The following PPFIA2 variants were observed in gnomAD, a reference collection of about 807,000 sequenced individuals.
PPFIA2 encodes the protein liprin-alpha-2.
PPFIA2 carries 46 observed loss-of-function variants against 175.5 expected under a neutral mutation model. The ratio of observed to expected loss-of-function variants is 0.26; its 90% CI spans 0.21 to 0.34. PPFIA2 has a LOEUF of 0.34. Among genes scored for constraint, PPFIA2 ranks in the 10% least tolerant of loss-of-function variants. The probability of loss-of-function intolerance (pLI) is 1.00; values close to 1 mark genes in which losing one functional copy is unlikely to be tolerated. For missense variants in PPFIA2, 1,179 were observed against 1,506.1 expected (o/e 0.78, Z 3.60); for synonymous variants, 568 against 511.4 (o/e 1.11, Z -1.49).
chr12:81,291,194 T>C (rs1204759883), intron 24 of PPFIA2, among the ~76,000 whole-genome samples: 1 of 151,996 alleles, frequency 6.6e-6, no homozygotes, highest in African/African-American at 2.4e-5. Context: ...TTTGTTGTCA[T>C]CTTTGTATTT....
intron 22 of PPFIA2, among the ~76,000 whole-genome samples, chr12:81,321,703 A>G (rs1034375777): frequency 6.6e-6 from 1 of 152,170 alleles, no homozygotes; most frequent in Non-Finnish European, 1.5e-5. Context: ...CTAATTGACT[A>G]TTTTGTTAGT....
intron 4 of PPFIA2, among the ~76,000 whole-genome samples, chr12:81,580,637 AC>A (rs1224114499): frequency 6.6e-6 from 1 of 151,552 alleles, no homozygotes; most frequent in Admixed American, 6.6e-5. Flanking sequence ...CTCACTTATA[AC>A]TTCTCTCTAC....
chr12:81,399,900 G>T (rs2041840049), intron 8 of PPFIA2, among the ~76,000 whole-genome samples: 1 of 151,950 alleles, frequency 6.6e-6, no homozygotes, highest in Non-Finnish European at 1.5e-5. Flanking sequence ...TTGAGAGAGG[G>T]AATCAATAAT....
chr12:81,346,514 A>C (rs1009636768), intron 18 of PPFIA2, among the ~76,000 whole-genome samples: 2 of 149,028 alleles, frequency 1.3e-5, no homozygotes, highest in African/African-American at 4.9e-5. Flanking sequence ...CATATATTAC[A>C]TATTAATATA....
At chr12:81,411,969 G>A (rs1352874166) in intron 7 of PPFIA2, among the ~76,000 whole-genome samples, 1 of 151,896 alleles carries the variant, frequency 6.6e-6, no homozygotes, top group African/African-American at 2.4e-5. Context: ...ATATCTGGGA[G>A]AATAACTTTC....
chr12:81,336,926 G>A (rs1380650206), intron 21 of PPFIA2, among the ~76,000 whole-genome samples: 1 of 152,096 alleles, frequency 6.6e-6, no homozygotes, highest in Non-Finnish European at 1.5e-5. Context: ...TTCCTCAGAT[G>A]CATGAATAAG....
intron 28 of PPFIA2, among the ~76,000 whole-genome samples, chr12:81,271,427 C>T (rs149851052): frequency 0.025 from 3,853 of 152,172 alleles, 80 homozygotes; most frequent in South Asian, 0.071. Flanking sequence ...TGCGCCACCA[C>T]ACCTGGCTAA....
At chr12:81,488,788 G>T (rs889728284) in intron 4 of PPFIA2, among the ~76,000 whole-genome samples, 1 of 151,616 alleles carries the variant, frequency 6.6e-6, no homozygotes, top group African/African-American at 2.4e-5. Flanking sequence ...ATAATTTTTT[G>T]TACAGTTGTC....
rs1243691624 is a variant in PPFIA2, at chr12:81,259,445, A to G, written c.*249T>C. 2 of 662,774 alleles carry G rather than the reference A, an allele frequency of 3.0e-6. No individual in the cohort carries two copies. The highest frequency in any genetic ancestry group is 2.5e-5 in the Admixed American group (1 of 40,800). The allele number at this position is 662,774 out of a possible 1,614,324, so 41.1% of individuals were successfully genotyped here. Reference sequence around the variant, plus strand: ...CTGTTGTACAGAGTTTATGATGTAGATGATGTTTATTATTCAAATGACTTA... The same window carrying G: ...CTGTTGTACAGAGTTTATGATGTAGGTGATGTTTATTATTCAAATGACTTA... On this transcript the variant is annotated 3_prime_UTR_variant, in exon 33 of 33. Coordinates refer to ENST00000549396, the MANE Select transcript of PPFIA2 (RefSeq NM_003625.5).
chr12:81,536,266 G>A (rs921032785), intron 4 of PPFIA2, among the ~76,000 whole-genome samples: 4 of 151,606 alleles, frequency 2.6e-5, no homozygotes, highest in African/African-American at 9.7e-5. Context: ...TACCTACACA[G>A]TAATCATCTC....
chr12:81,339,461 T>C, intron 20 of PPFIA2, 127 bp from the exon 21 acceptor site: 1 of 787,102 alleles, frequency 1.3e-6, no homozygotes, highest in East Asian at 3.4e-5. Flanking sequence ...TATTTTCCCA[T>C]GTTTCCTTTT....
rs1406704656 is a variant in PPFIA2 at position 81,277,102 on chromosome 12, A to T, written c.3310+215T>A. Among the ~76,000 whole-genome samples the T allele has an allele frequency of 2.6e-5, 4 of 152,250 alleles. No homozygotes were observed. In the East Asian group the frequency reaches 5.8e-4, roughly 22 times the overall value. On this transcript the variant is annotated intron_variant, in intron 28 of 32. Coordinates refer to ENST00000549396, the MANE Select transcript of PPFIA2 (RefSeq NM_003625.5). ...AAATAAGTCTCAATTCAAAAACTCA[A>T]GATTACTCCCCAAATGGGATATTCA... is the stretch of plus-strand genomic sequence containing the variant.
At chr12:81,396,035 C>T in intron 8 of PPFIA2, among the ~76,000 whole-genome samples, 1 of 151,940 alleles carries the variant, frequency 6.6e-6, no homozygotes, top group Admixed American at 6.6e-5. Context: ...TTTCAGCAAA[C>T]CTTTAGAGGG....
intron 29 of PPFIA2, among the ~76,000 whole-genome samples, chr12:81,267,597 T>C (rs976503403): frequency 6.6e-6 from 1 of 152,064 alleles, no homozygotes; most frequent in East Asian, 1.9e-4. Context: ...TACATGTAAA[T>C]AGAAATGACT....
Position 81,702,834 on chromosome 12 carries a change from GC to G in PPFIA2, c.250-25991del, listed in dbSNP as rs543426801. Among the ~76,000 whole-genome samples the G allele has an allele frequency of 3.7e-3, 556 of 152,202 alleles. 8 individuals carry two copies. The highest frequency in any genetic ancestry group is 6.4e-3 in the Admixed American group (98 of 15,288). On this transcript the variant is annotated intron_variant, in intron 3 of 32. Transcript: ENST00000549396. Reference sequence around the variant, plus strand: ...GTGAAGCCCCTATTATCAAACTAGTGCCCATATAAAACAGGAAAGTGGCACT... The same window carrying G: ...GTGAAGCCCCTATTATCAAACTAGTGCCATATAAAACAGGAAAGTGGCACT...
intron 5 of PPFIA2, among the ~76,000 whole-genome samples, chr12:81,449,081 C>T (rs1416225957): frequency 1.3e-5 from 2 of 152,208 alleles, no homozygotes; most frequent in Non-Finnish European, 2.9e-5. Flanking sequence ...GGTGGACAAA[C>T]TGATTCACCT....
chr12:81,500,955 T>C (rs1362435144), intron 4 of PPFIA2, among the ~76,000 whole-genome samples: 2 of 152,170 alleles, frequency 1.3e-5, no homozygotes, highest in Admixed American at 6.6e-5. Context: ...GTCAAAACCG[T>C]TGCCAAAAAT....
chr12:81,361,789 TA>T (rs1023866401), intron 15 of PPFIA2, among the ~76,000 whole-genome samples: 1 of 151,492 alleles, frequency 6.6e-6, no homozygotes. Context: ...AAGATGAACA[TA>T]ACACCAAGAA....
At chr12:81,571,972 C>T (rs146278915) in intron 4 of PPFIA2, among the ~76,000 whole-genome samples, 1 of 152,128 alleles carries the variant, frequency 6.6e-6, no homozygotes, top group African/African-American at 2.4e-5. Flanking sequence ...AAGTGGTAAA[C>T]CCAATGCTGG....
Sources: allele counts gnomAD v4.1 joint callset (sites outside exome capture counted in the v4.1 genomes callset), GRCh38; gene constraint gnomAD v4.1.1; transcripts MANE v1.5; gene names NCBI Gene and HGNC (gene_info 2026-07-23, HGNC 2026-07-21).